The following BBX variants were observed in gnomAD, a reference collection of about 807,000 sequenced individuals.
BBX encodes BBX high mobility group box domain containing, also known as HMG box transcription factor BBX.
BBX carries 30 observed loss-of-function variants against 100.2 expected under a neutral mutation model. The ratio of observed to expected loss-of-function variants is 0.30; its 90% CI spans 0.22 to 0.41. BBX has a LOEUF of 0.41. BBX is among the 10% of genes least tolerant of loss of function. The probability of loss-of-function intolerance (pLI) is 1.00; values close to 1 mark genes in which losing one functional copy is unlikely to be tolerated. For missense variants in BBX, 1,023 were observed against 1,129.8 expected (o/e 0.91, Z 1.35); for synonymous variants, 376 against 388.1 (o/e 0.97, Z 0.37).
chr3:107,761,916 T>A (rs1280158389), intron 10 of BBX, among the ~76,000 whole-genome samples: 1 of 152,180 alleles, frequency 6.6e-6, no homozygotes, highest in Admixed American at 6.5e-5. Flanking sequence ...ATATTATTGA[T>A]GTGCATTATC....
At chr3:107,669,260 A>G (rs1053605864) in intron 3 of BBX, among the ~76,000 whole-genome samples, 2 of 152,110 alleles carry the variant, frequency 1.3e-5, no homozygotes, top group African/African-American at 4.8e-5. Flanking sequence ...GAGGAAGGAG[A>G]TGTTATTTTG....
At position 107,535,114 on chromosome 3, in the gene BBX, G is replaced by A. The variant is rs572131136; in HGVS notation, c.-84+8716G>A. On this transcript the variant is annotated intron_variant, in intron 2 of 17. Coordinates refer to ENST00000325805, the MANE Select transcript of BBX (RefSeq NM_001142568.3). The stretch of plus-strand genomic sequence containing the variant: ...GCACAGCTGGTAAGTGATCATGCCA[G>A]GTTTAGACTGCCTGTCTGCAGTGCC... Among the ~76,000 whole-genome samples, 250 of 152,310 alleles carry A rather than the reference G, an allele frequency of 1.6e-3. 2 individuals carry two copies. The highest frequency in any genetic ancestry group is 0.016 in the Admixed American group (240 of 15,294).
At chr3:107,726,536 A>T (rs756584241) in intron 5 of BBX, among the ~76,000 whole-genome samples, 1 of 152,022 alleles carries the variant, frequency 6.6e-6, no homozygotes, top group Non-Finnish European at 1.5e-5. Context: ...TAATATTGTG[A>T]TACAGTTACA....
At chr3:107,569,724 C>A (rs2051200938) in intron 2 of BBX, among the ~76,000 whole-genome samples, 1 of 152,172 alleles carries the variant, frequency 6.6e-6, no homozygotes, top group Non-Finnish European at 1.5e-5. Flanking sequence ...GCCTGGCTGT[C>A]AATGCCTACA....
intron 9 of BBX, among the ~76,000 whole-genome samples, chr3:107,754,343 T>C (rs1193323994): frequency 1.3e-5 from 2 of 152,182 alleles, no homozygotes; most frequent in African/African-American, 4.8e-5. Flanking sequence ...CAGTGAAAAT[T>C]CGGCCAGAAG....
intron 2 of BBX, among the ~76,000 whole-genome samples, chr3:107,536,041 C>T (rs1271144499): frequency 6.6e-6 from 1 of 152,144 alleles, no homozygotes; most frequent in Non-Finnish European, 1.5e-5. Flanking sequence ...AATTAATAAG[C>T]GGATTCATGG....
At position 107,546,877 on chromosome 3, in the gene BBX, T is replaced by A. The variant is rs1210947364; in HGVS notation, c.-84+20479T>A. ...ATTTTCAGAAGGAGAAGCAATTATA[T>A]TGATTTGCTGAGTAACTTCTTACTC... On this transcript the variant is annotated intron_variant, in intron 2 of 17. Transcript: ENST00000325805. 2.6e-5 allele frequency among the ~76,000 whole-genome samples: 4 copies of A among 152,188 alleles called. No homozygotes were observed. In the East Asian group the frequency reaches 7.7e-4, roughly 29 times the overall value.
At chr3:107,568,916 G>A (rs2051138136) in intron 2 of BBX, among the ~76,000 whole-genome samples, 1 of 152,176 alleles carries the variant, frequency 6.6e-6, no homozygotes, top group African/African-American at 2.4e-5. Context: ...TGTGATACAA[G>A]TATAGATTCC....
Position 107,791,348 on chromosome 3 carries a change from A to G in BBX, c.2353+49A>G, listed in dbSNP as rs561062315. 1.1e-5 allele frequency: 17 copies of G among 1,512,838 alleles called. No individual in the cohort carries two copies. The East Asian group carries it at 2.9e-4, about 26-fold the overall frequency. The allele number at this position is 1,512,838 out of a possible 1,614,324, so 93.7% of individuals were successfully genotyped here. The stretch of plus-strand genomic sequence containing the variant: ...TTTGAGACAATCGGAGCTGGAAATG[A>G]CATAAGTTGTATAGGTTTTTAAAAG... On this transcript the variant is annotated intron_variant, in intron 15 of 17. Coordinates refer to ENST00000325805, the MANE Select transcript of BBX (RefSeq NM_001142568.3).
intron 3 of BBX, among the ~76,000 whole-genome samples, chr3:107,678,635 G>A (rs2059406755): frequency 1.3e-5 from 2 of 152,030 alleles, no homozygotes; most frequent in African/African-American, 4.8e-5. Flanking sequence ...GAGGTGGGAA[G>A]ATCACTTGAG....
At chr3:107,798,469 A>AT (rs2069999561) in intron 15 of BBX, 54 bp from the exon 16 acceptor site, 10 of 1,544,366 alleles carry the variant, frequency 6.5e-6, no homozygotes, top group Non-Finnish European at 8.9e-6. Flanking sequence ...TCTAAGAGCA[A>AT]TTTTGGTGCC....
At chr3:107,562,325 A>G (rs2050561414) in intron 2 of BBX, among the ~76,000 whole-genome samples, 1 of 152,232 alleles carries the variant, frequency 6.6e-6, no homozygotes, top group South Asian at 2.1e-4. Context: ...TCAAATGTTC[A>G]TGCCTTGAAC....
intron 3 of BBX, chr3:107,661,866 G>A: frequency 1.0e-6 from 1 of 985,298 alleles, no homozygotes. Flanking sequence ...GCAGTACCTG[G>A]TATCATCTCC....
chr3:107,525,075 C>G (rs1179334965), intron 1 of BBX, among the ~76,000 whole-genome samples: 2 of 149,896 alleles, frequency 1.3e-5, no homozygotes, highest in Admixed American at 6.6e-5. Flanking sequence ...CACGCGGCCC[C>G]CCGCCCCTGC....
chr3:107,765,030 C>T (rs899768501), intron 10 of BBX, among the ~76,000 whole-genome samples: 1 of 152,158 alleles, frequency 6.6e-6, no homozygotes, highest in Non-Finnish European at 1.5e-5. Context: ...TTGAGGTCTT[C>T]CTGAATCTCA....
chr3:107,713,027 C>T (rs2061833799), intron 4 of BBX, among the ~76,000 whole-genome samples: 1 of 152,174 alleles, frequency 6.6e-6, no homozygotes, highest in South Asian at 2.1e-4. Flanking sequence ...TCCCCATAGC[C>T]ACTTCAAATT....
At position 107,689,515 on chromosome 3, in the gene BBX, G is replaced by A. The variant is rs151200918; in HGVS notation, c.-9-20937G>A. 5.5e-3 allele frequency among the ~76,000 whole-genome samples: 842 copies of A among 152,220 alleles called. 10 individuals carry two copies. The highest frequency in any genetic ancestry group is 0.02 in the African/African-American group (814 of 41,524). On this transcript the variant is annotated intron_variant, in intron 3 of 17. Transcript: ENST00000325805. ...TTGTTTTGAAAGATGCAGCACTCAC[G>A]GGCTGTCAGTCATAACGACTTCTGA...
At chr3:107,792,223 G>C (rs2069135418) in intron 15 of BBX, among the ~76,000 whole-genome samples, 1 of 152,084 alleles carries the variant, frequency 6.6e-6, no homozygotes, top group Admixed American at 6.5e-5. Context: ...TTTCATTGCA[G>C]ATATTTTAAA....
At chr3:107,708,829 A>G (rs1013558123) in intron 3 of BBX, among the ~76,000 whole-genome samples, 2 of 152,230 alleles carry the variant, frequency 1.3e-5, no homozygotes, top group African/African-American at 4.8e-5. Flanking sequence ...ATATAACACA[A>G]TTATTTTAGA....
Sources: gnomAD v4.1 joint callset for allele counts (sites outside exome capture counted in the v4.1 genomes callset) on GRCh38, gnomAD v4.1.1 for gene constraint, MANE v1.5 for transcripts, NCBI Gene and HGNC (gene_info 2026-07-23, HGNC 2026-07-21) for gene names.